The following ZNRF3 variants were observed in gnomAD, a reference collection of about 807,000 sequenced individuals.
ZNRF3 encodes the protein zinc and ring finger 3, also known as E3 ubiquitin-protein ligase ZNRF3.
A neutral mutation model predicts 72.5 loss-of-function variants in ZNRF3; 23 were observed. The ratio of observed to expected loss-of-function variants is 0.32; its 90% CI spans 0.23 to 0.45. The LOEUF is 0.45. Among genes scored for constraint, ZNRF3 ranks in the 20% least tolerant of loss-of-function variants. The pLI, the probability that ZNRF3 is intolerant of heterozygous loss-of-function variation, is 1.00. For missense variants in ZNRF3, 1,169 were observed against 1,272.1 expected, an observed-to-expected ratio of 0.92 and a Z score of 1.23; for synonymous variants, 610 against 545.3, an observed-to-expected ratio of 1.12 and a Z score of -1.65.
chr22:28,934,837 AAG>A (rs1398921388), intron 1 of ZNRF3, among the ~76,000 whole-genome samples: 5 of 151,566 alleles, frequency 3.3e-5, no homozygotes, highest in African/African-American at 1.2e-4. Flanking sequence ...AAAAAAAAAA[AAG>A]TATATTGATT....
At position 29,054,252 on chromosome 22, in the gene ZNRF3, C is replaced by G. The variant is rs936541990; in HGVS notation, c.*630C>G. The G allele has an allele frequency of 2.0e-5, 3 of 152,406 alleles. No individual in the cohort carries two copies. Among genetic ancestry groups the G allele is most frequent in the African/African-American group, 7.2e-5 (3 of 41,476 alleles). 9.4% of individuals were successfully genotyped at this position (152,406 alleles called of 1,614,324 possible). On this transcript the variant is annotated 3_prime_UTR_variant, in exon 9 of 9. Transcript: ENST00000544604. ...TTCAGGTCTCAGACGCCATGCCTCT[C>G]CAGCCCACGCCTTTAGGCAGGTGAT...
chr22:29,029,899 T>A (rs2036713232), intron 2 of ZNRF3, among the ~76,000 whole-genome samples: 1 of 152,172 alleles, frequency 6.6e-6, no homozygotes, highest in South Asian at 2.1e-4. Context: ...TAATTAACAC[T>A]TGTTTATATT....
At chr22:28,906,810 A>G (rs1240178189) in intron 1 of ZNRF3, among the ~76,000 whole-genome samples, 1 of 152,066 alleles carries the variant, frequency 6.6e-6, no homozygotes, top group Non-Finnish European at 1.5e-5. Flanking sequence ...CATTCAGCAG[A>G]TATGTATTGA....
At chr22:28,953,485 T>G (rs1474585634) in intron 1 of ZNRF3, among the ~76,000 whole-genome samples, 1 of 152,196 alleles carries the variant, frequency 6.6e-6, no homozygotes, top group Admixed American at 6.5e-5. Flanking sequence ...AGTGTGCTTG[T>G]GTTTCTCCTG....
At chr22:29,047,442 G>T (rs1425221574) in intron 6 of ZNRF3, among the ~76,000 whole-genome samples, 2 of 152,170 alleles carry the variant, frequency 1.3e-5, no homozygotes, top group Non-Finnish European at 2.9e-5. Flanking sequence ...CATTTGATGC[G>T]CCTTTGTTGA....
chr22:28,919,058 T>A (rs1000760862), intron 1 of ZNRF3, among the ~76,000 whole-genome samples: 1 of 152,214 alleles, frequency 6.6e-6, no homozygotes, highest in African/African-American at 2.4e-5. Flanking sequence ...AAAGCTTGAA[T>A]GTCTTCTTAA....
intron 1 of ZNRF3, among the ~76,000 whole-genome samples, chr22:28,893,558 C>T (rs1049465597): frequency 2.7e-5 from 4 of 150,178 alleles, no homozygotes; most frequent in African/African-American, 9.8e-5. Flanking sequence ...AGTGCAGTGG[C>T]GTGATCTTGG....
At chr22:28,929,183 T>G (rs974344017) in intron 1 of ZNRF3, among the ~76,000 whole-genome samples, 2 of 152,206 alleles carry the variant, frequency 1.3e-5, no homozygotes, top group African/African-American at 2.4e-5. Flanking sequence ...GGCCTTTGAG[T>G]AATGTTTGAA....
chr22:29,034,255 C>T (rs2036821152), intron 2 of ZNRF3, among the ~76,000 whole-genome samples: 2 of 152,184 alleles, frequency 1.3e-5, no homozygotes, highest in Admixed American at 1.3e-4. Context: ...TGGCCCTCTT[C>T]AGTAGTTGTC....
chr22:28,964,429 GGCTGAGC>G (rs1230710939), intron 1 of ZNRF3, among the ~76,000 whole-genome samples: 1 of 152,150 alleles, frequency 6.6e-6, no homozygotes, highest in Non-Finnish European at 1.5e-5. Context: ...AGGATTCAGA[GGCTGAGC>G]CTGGGCCAGG....
In ZNRF3 at chr22:29,030,350, C is replaced by G. The variant is rs536385151; in HGVS notation, c.427-12145C>G. Among the ~76,000 whole-genome samples the G allele has an allele frequency of 6.6e-4, 100 of 152,278 alleles. 2 individuals carry two copies. In the South Asian group the frequency reaches 0.02, roughly 31 times the overall value. ...GGCCGCGGACTCCAGCCTCTAAAGT[C>G]GGGTACCTTTAATTAGGAGAAATTA... On this transcript the variant is annotated intron_variant, in intron 2 of 8. Coordinates refer to ENST00000544604, the MANE Select transcript of ZNRF3 (RefSeq NM_001206998.2). The surrounding 1 kb of genome is among the most constrained non-coding windows in gnomAD (Gnocchi z 4.2).
At chr22:28,926,339 TC>T (rs1218165944) in intron 1 of ZNRF3, among the ~76,000 whole-genome samples, 1 of 152,130 alleles carries the variant, frequency 6.6e-6, no homozygotes, top group Non-Finnish European at 1.5e-5. Flanking sequence ...GTATTTTGTT[TC>T]TTTGATTGAT....
At chr22:28,931,033 C>T (rs2034696337) in intron 1 of ZNRF3, among the ~76,000 whole-genome samples, 1 of 152,180 alleles carries the variant, frequency 6.6e-6, no homozygotes, top group Non-Finnish European at 1.5e-5. Context: ...GTTCTCATTA[C>T]AAGTCCTTTA....
rs4823006 is a variant in ZNRF3 at position 29,055,683 on chromosome 22, A to G, written c.*2061A>G. 63,004 of 152,100 alleles carry G rather than the reference A, an allele frequency of 0.41. 13,699 individuals are homozygous for G. Among genetic ancestry groups the G allele is most frequent in the South Asian group, 0.58 (2,782 of 4,820 alleles). 9.4% of individuals were successfully genotyped at this position (152,100 alleles called of 1,614,324 possible). On this transcript the variant is annotated 3_prime_UTR_variant, in exon 9 of 9. Coordinates refer to ENST00000544604, the MANE Select transcript of ZNRF3 (RefSeq NM_001206998.2). ...GGACGCCTTCATTTCTCGGGCCAGG[A>G]GTAGCAGCTGCTAAGGACAGCAGCT...
Position 29,044,806 on chromosome 22 carries a change from G to A in ZNRF3, c.660G>A (p.Gly220=). Residue 220 remains glycine, a synonymous_variant, in exon 5 of 9, where the codon GGG becomes GGA. Transcript: ENST00000544604. Reference sequence around the variant, plus strand: ...AACCCACTGAATACTTTGACATGGGGATTTTCCTGGCTTTCTTCGTCGTGG... The same window carrying A: ...AACCCACTGAATACTTTGACATGGGAATTTTCCTGGCTTTCTTCGTCGTGG... ...PRQPTEYFDM[G]IFLAFFVVVS... is the part of the protein sequence containing the mutation. 6.2e-7 allele frequency: 1 copy of A among 1,614,124 alleles called. No homozygotes were observed. The highest frequency in any genetic ancestry group is 8.5e-7 in the Non-Finnish European group (1 of 1,180,000).
chr22:28,993,400 A>G (rs1254124496), intron 2 of ZNRF3, among the ~76,000 whole-genome samples: 2 of 152,176 alleles, frequency 1.3e-5, no homozygotes, highest in Non-Finnish European at 2.9e-5. Flanking sequence ...AAGGGAGGAG[A>G]GCTGGTTTTT....
chr22:29,043,401 C>A lies in ZNRF3; in HGVS notation c.604C>A (p.Arg202=). ...CATCGTCAACAAGCAGAAAGTGGCT[C>A]GAGCAAGGATCCAGCACCGCCCTCC... ...MNIVNKQKVA[R]ARIQHRPPRQ... The change falls in exon 4 of 9, where the codon CGA becomes AGA. Residue 202 remains arginine (R), a synonymous_variant. Transcript: ENST00000544604. 6.2e-7 allele frequency: 1 copy of A among 1,613,792 alleles called. No individual in the cohort carries two copies. Among genetic ancestry groups the A allele is most frequent in the Non-Finnish European group, 8.5e-7 (1 of 1,179,992 alleles).
intron 1 of ZNRF3, among the ~76,000 whole-genome samples, chr22:28,904,875 CTG>C (rs1363508910): frequency 6.6e-6 from 1 of 151,560 alleles, no homozygotes; most frequent in Non-Finnish European, 1.5e-5. Flanking sequence ...GCTCAGGAAT[CTG>C]TTCTTTGGCT....
chr22:29,040,218 C>T (rs1025863783), intron 2 of ZNRF3, among the ~76,000 whole-genome samples: 3 of 151,680 alleles, frequency 2.0e-5, no homozygotes, highest in East Asian at 1.9e-4. Context: ...CTCACTCTGT[C>T]GCCCAGGCTG....
Sources: allele counts gnomAD v4.1 joint callset (sites outside exome capture counted in the v4.1 genomes callset), GRCh38; gene constraint gnomAD v4.1.1; non-coding constraint Gnocchi (gnomAD v3.1); transcripts MANE v1.5; gene names NCBI Gene and HGNC (gene_info 2026-07-23, HGNC 2026-07-21).